The following CEP250 variants were observed in gnomAD, a reference collection of about 807,000 sequenced individuals.
CEP250 encodes the protein centrosome-associated protein CEP250.
CEP250 carries 242 observed loss-of-function variants against 315.7 expected under a neutral mutation model. That is an observed-to-expected ratio of 0.77 (90% CI 0.69 to 0.85). CEP250 has a LOEUF of 0.85. Among genes scored for constraint, CEP250 ranks in the 40% least tolerant of loss-of-function variants. The probability of loss-of-function intolerance (pLI) is 0.00; values close to 1 mark genes in which losing one functional copy is unlikely to be tolerated. For synonymous variants in CEP250, 1,088 were observed against 1,175.0 expected (o/e 0.93, Z 1.51); for missense variants, 2,515 against 2,886.4 (o/e 0.87, Z 2.95).
In CEP250 at chr20:35,494,661, G is replaced by A; in HGVS notation, c.3167+4G>A. ...AGCTGGAGAGAGAGAAAGCCAGGTA[G>A]GCTAGATAGGCCATGGAGGTGGCTT... On this transcript the variant is annotated splice_donor_region_variant and intron_variant, in intron 24 of 34. Transcript: ENST00000397527. The A allele has an allele frequency of 4.3e-6, 7 of 1,613,948 alleles. No homozygotes were observed. The highest frequency in any genetic ancestry group is 5.1e-6 in the Non-Finnish European group (6 of 1,179,932).
At chr20:35,478,191 G>C (rs977984812) in intron 17 of CEP250, 90 bp downstream of exon 17, 13 of 875,406 alleles carry the variant, frequency 1.5e-5, no homozygotes, top group Admixed American at 1.4e-4. Flanking sequence ...TCTGGAAAGT[G>C]AAAAAGTCTT....
In CEP250 at chr20:35,479,678, T is replaced by C; in HGVS notation, c.2321T>C (p.Phe774Ser). Reference sequence around the variant, plus strand: ...AAGGAGCTACTGGAGAGCAGTCTGTTTGAAGCCCAACAACAAAATTCTGTG... The same window carrying C: ...AAGGAGCTACTGGAGAGCAGTCTGTCTGAAGCCCAACAACAAAATTCTGTG... The part of the protein sequence containing the change: ...SAKELLESSL[F>S]EAQQQNSVIE... The change falls in exon 19 of 35, where the codon TTT (phenylalanine) becomes TCT (serine). Residue 774 changes from phenylalanine (F) to serine (S), a missense_variant. Coordinates refer to ENST00000397527, the MANE Select transcript of CEP250 (RefSeq NM_007186.6). 3 of 1,614,158 alleles carry C rather than the reference T, an allele frequency of 1.9e-6. No individual in the cohort carries two copies. Among genetic ancestry groups the C allele is most frequent in the Non-Finnish European group, 2.5e-6 (3 of 1,180,032 alleles).
intron 2 of CEP250, among the ~76,000 whole-genome samples, chr20:35,459,418 A>C (rs756518859): frequency 6.6e-6 from 1 of 152,128 alleles, no homozygotes; most frequent in African/African-American, 2.4e-5. Context: ...TCATGGAACT[A>C]TGTGTGGCAG....
chr20:35,462,587 G>T, intron 4 of CEP250, 34 bp downstream of exon 4: 3 of 1,545,584 alleles, frequency 1.9e-6, no homozygotes, highest in South Asian at 2.4e-5. Flanking sequence ...AGGGGAAAGA[G>T]AACAACCCCC....
Position 35,498,532 on chromosome 20 carries a change from A to G in CEP250, c.3656-63A>G, listed in dbSNP as rs1370420290. 2.5e-6 allele frequency: 4 copies of G among 1,582,514 alleles called. No homozygotes were observed. In the Admixed American group the frequency reaches 7.8e-5, roughly 31 times the overall value. On this transcript the variant is annotated intron_variant, in intron 26 of 34. Transcript: ENST00000397527. ...GTTGGAAGGACAGGGCTGTGTCTGG[A>G]GAGGTCTGGCTGTTTCTTTTCATAG...
At chr20:35,506,591 C>G (rs547875754) in intron 30 of CEP250, among the ~76,000 whole-genome samples, 1 of 152,256 alleles carries the variant, frequency 6.6e-6, no homozygotes, top group South Asian at 2.1e-4. Flanking sequence ...CAGAGAACCC[C>G]AGACACACAG....
rs771763190 is a variant in CEP250, at chr20:35,494,587, G to A, written c.3097G>A (p.Val1033Ile). 1.9e-6 allele frequency: 3 copies of A among 1,614,164 alleles called. No individual in the cohort carries two copies. The highest frequency in any genetic ancestry group is 2.2e-5 in the South Asian group (2 of 91,078). The change falls in exon 24 of 35, where the codon GTT (valine) becomes ATT (isoleucine). Residue 1033 changes from valine (V) to isoleucine (I), a missense_variant. Transcript: ENST00000397527. ...CTCCCAGAGGCTGGTGGAGCAGGAG[G>A]TTCAGGAGAAGCTGAGAGAGACCCA... ...DDSQRLVEQE[V>I]QEKLRETQEY...
At chr20:35,468,654 G>A (rs748557549) in intron 9 of CEP250, among the ~76,000 whole-genome samples, 20 of 152,058 alleles carry the variant, frequency 1.3e-4, no homozygotes, top group East Asian at 5.8e-4. Flanking sequence ...TTCACCTGCC[G>A]TATACTAGAC....
At chr20:35,497,596 G>A (rs1432647824) in intron 25 of CEP250, 123 bp from the exon 26 acceptor site, 13 of 697,384 alleles carry the variant, frequency 1.9e-5, no homozygotes, top group Non-Finnish European at 2.9e-5. Flanking sequence ...CCTGAGAGCT[G>A]AGCTGAAATC....
intron 21 of CEP250, 32 bp from the exon 22 acceptor site, chr20:35,491,180 C>T (rs1262231572): frequency 6.2e-7 from 1 of 1,606,324 alleles, no homozygotes; most frequent in Non-Finnish European, 8.5e-7. Context: ...AATCCTGAGC[C>T]CACAAGCTGT....
intron 9 of CEP250, among the ~76,000 whole-genome samples, chr20:35,469,544 C>T (rs1169874021): frequency 2.6e-5 from 4 of 152,130 alleles, no homozygotes; most frequent in Non-Finnish European, 1.5e-5. Flanking sequence ...AAGTGCAATT[C>T]TGATGTTCTT....
In CEP250 at chr20:35,502,524, C is replaced by G; in HGVS notation, c.4155C>G (p.Arg1385=). ...GILEEDLRTA[R]SALKLKNEEV... is the part of the protein sequence containing the mutation. Reference sequence around the variant, plus strand: ...TGGAAGAAGACCTGAGAACGGCTCGCTCAGCACTGAAGCTGAAAAATGAGG... The same window carrying G: ...TGGAAGAAGACCTGAGAACGGCTCGGTCAGCACTGAAGCTGAAAAATGAGG... Residue 1385 remains arginine, a synonymous_variant, in exon 30 of 35, where the codon CGC becomes CGG. Coordinates refer to ENST00000397527, the MANE Select transcript of CEP250 (RefSeq NM_007186.6). 1 of 1,614,074 alleles carries G rather than the reference C, an allele frequency of 6.2e-7. No homozygotes were observed. Among genetic ancestry groups the G allele is most frequent in the East Asian group, 2.2e-5 (1 of 44,874 alleles).
At chr20:35,500,436 T>A (rs969340616) in intron 28 of CEP250, among the ~76,000 whole-genome samples, 1 of 152,188 alleles carries the variant, frequency 6.6e-6, no homozygotes, top group African/African-American at 2.4e-5. Context: ...TTTCACCATG[T>A]TCACCAACCA....
Position 35,477,951 on chromosome 20 carries a change from G to A in CEP250, c.1944G>A (p.Ala648=), listed in dbSNP as rs374906853. 62 of 1,612,314 alleles carry A rather than the reference G, an allele frequency of 3.8e-5. No homozygotes were observed. The African/African-American group carries it at 3.9e-4, about 10-fold the overall frequency. ...GAAATGCTTTGCAGGTCGACCTGGC[G>A]GAGGCAGAGAAGAGGAGGGAAGCCC... ...QARNALQVDL[A]EAEKRREALW... is the part of the protein sequence containing the mutation. Residue 648 remains alanine (A), a synonymous_variant, in exon 17 of 35, where the codon GCG becomes GCA. Transcript: ENST00000397527.
rs754265215 is a variant in CEP250 at position 35,504,218 on chromosome 20, A to C, written c.5849A>C (p.Gln1950Pro). The change falls in exon 30 of 35, where the codon CAG becomes CCG. Residue 1950 changes from glutamine (Q) to proline (P), a missense_variant. Coordinates refer to ENST00000397527, the MANE Select transcript of CEP250 (RefSeq NM_007186.6). ...CTGGAAGCTCTGCGGGCAGAAAGTC[A>C]GTCCTCCCGGCATCAGGAGGAGGCT... ...QELEALRAES[Q>P]SSRHQEEAAR... 3 of 1,610,490 alleles carry C rather than the reference A, an allele frequency of 1.9e-6. No homozygotes were observed. The highest frequency in any genetic ancestry group is 2.2e-5 in the South Asian group (2 of 90,730).
chr20:35,458,966 C>CTTTTTTTTTTTTTT (rs778598883), intron 2 of CEP250, among the ~76,000 whole-genome samples: 1 of 59,228 alleles, frequency 1.7e-5, no homozygotes, highest in African/African-American at 7.5e-5. Context: ...TAATGCAAAT[C>CTTTTTTTTTTTTTT]TTTTTTTTTT....
In CEP250 at chr20:35,498,042, T is replaced by C. The variant is rs2063895217; in HGVS notation, c.3630T>C (p.Ala1210=). 2 of 1,587,544 alleles carry C rather than the reference T, an allele frequency of 1.3e-6. No individual in the cohort carries two copies. Among genetic ancestry groups the C allele is most frequent in the Non-Finnish European group, 1.7e-6 (2 of 1,162,360 alleles). ...AGCTGAGTGGTGGGGGAGACTCTGCTCCTTCCGTCTGGGGCCTTGAGCCAG... is the reference window on the plus strand; with the variant it reads ...AGCTGAGTGGTGGGGGAGACTCTGCCCCTTCCGTCTGGGGCCTTGAGCCAG... ...RPELSGGGDS[A]PSVWGLEPDQ... Residue 1210 remains alanine (A), a synonymous_variant, in exon 26 of 35, where the codon GCT becomes GCC. Coordinates refer to ENST00000397527, the MANE Select transcript of CEP250 (RefSeq NM_007186.6).
rs562689116 is a variant in CEP250 at position 35,491,968 on chromosome 20, A to G, written c.2889+622A>G. ...CAGACATTGCCCCTGCTCTCAAGGA[A>G]CTTACATTCCTGTGGCAGAAATGGA... On this transcript the variant is annotated intron_variant, in intron 22 of 34. Transcript: ENST00000397527. 3.3e-5 allele frequency among the ~76,000 whole-genome samples: 5 copies of G among 152,140 alleles called. No homozygotes were observed. In the South Asian group the frequency reaches 1.0e-3, roughly 32 times the overall value.
At chr20:35,471,535 GAAGA>G (rs1279223068) in intron 10 of CEP250, among the ~76,000 whole-genome samples, 1 of 152,202 alleles carries the variant, frequency 6.6e-6, no homozygotes, top group African/African-American at 2.4e-5. Context: ...AAATAGGAAG[GAAGA>G]GAGGAACTCT....
Sources: allele counts gnomAD v4.1 joint callset (sites outside exome capture counted in the v4.1 genomes callset), GRCh38; gene constraint gnomAD v4.1.1; transcripts MANE v1.5; gene names NCBI Gene and HGNC (gene_info 2026-07-23, HGNC 2026-07-21).